The following ZNF827 variants were observed in gnomAD, a reference collection of about 807,000 sequenced individuals.
The protein encoded by ZNF827 is zinc finger protein 827.
Under a neutral mutation model 102.4 loss-of-function variants are expected in ZNF827, and 13 were observed. That is an observed-to-expected ratio of 0.13 (90% CI 0.08 to 0.20). The LOEUF is 0.20. ZNF827 is among the 10% of genes least tolerant of loss of function. The probability of loss-of-function intolerance (pLI) is 1.00; values close to 1 mark genes in which losing one functional copy is unlikely to be tolerated. For missense variants in ZNF827, 1,103 were observed against 1,344.4 expected (o/e 0.82, Z 2.81); for synonymous variants, 523 against 536.2 (o/e 0.98, Z 0.34).
Position 145,775,896 on chromosome 4 carries a change from C to G in ZNF827, c.2586G>C (p.Gln862His). ...GCTTCACGGAATGGACGGTCAAGTG[C>G]TGGTTCAGATTTGCACGGCACTTAG... ...YAAKCRANLN[Q>H]HLTVHSVKLV... The change falls in exon 10 of 15, where the codon CAG becomes CAC. Residue 862 changes from glutamine (Q) to histidine (H), a missense_variant. Around this residue, in one of 5 missense-constraint regions of ZNF827, gnomAD observed 242 missense variants for 361.9 expected, o/e 0.67. Transcript: ENST00000508784. The G allele has an allele frequency of 6.2e-7, 1 of 1,614,174 alleles. No homozygotes were observed. Among genetic ancestry groups the G allele is most frequent in the Non-Finnish European group, 8.5e-7 (1 of 1,180,036 alleles).
chr4:145,915,803 T>A (rs942747298), intron 1 of ZNF827, among the ~76,000 whole-genome samples: 1 of 152,178 alleles, frequency 6.6e-6, no homozygotes, highest in Non-Finnish European at 1.5e-5. Flanking sequence ...CTGAGACAAA[T>A]TTCCCTCCAG....
intron 4 of ZNF827, among the ~76,000 whole-genome samples, chr4:145,876,197 T>C (rs1000296506): frequency 6.6e-5 from 10 of 152,238 alleles, no homozygotes; most frequent in African/African-American, 9.7e-5. Flanking sequence ...AAACATACTT[T>C]AAATTAGTGT....
In ZNF827 at chr4:145,765,567, C is replaced by G. The variant is rs751957056; in HGVS notation, c.3032G>C (p.Ser1011Thr). The G allele has an allele frequency of 3.1e-6, 5 of 1,613,390 alleles. No homozygotes were observed. Among genetic ancestry groups the G allele is most frequent in the Non-Finnish European group, 4.2e-6 (5 of 1,179,684 alleles). Residue 1011 changes from serine (S) to threonine (T), a missense_variant, in exon 12 of 15, where the codon AGT becomes ACT. This residue lies in a region of ZNF827 where 242 missense variants were observed against 361.9 expected (regional missense o/e 0.67). Transcript: ENST00000508784. This position sits in a 1 kb window ranked among gnomAD's most constrained non-coding sequence, Gnocchi z 4.7. ...CTTACCTTTCTCTGGCTTTTCCTCACTGTTCAGTGAGGGCTGGCTCCCAGG... is the reference window on the plus strand; with the variant it reads ...CTTACCTTTCTCTGGCTTTTCCTCAGTGTTCAGTGAGGGCTGGCTCCCAGG... ...VMPGSQPSLN[S>T]EEKPEKGFEC...
At chr4:145,785,398 A>G (rs1375925624) in intron 8 of ZNF827, among the ~76,000 whole-genome samples, 1 of 152,352 alleles carries the variant, frequency 6.6e-6, no homozygotes, top group East Asian at 1.9e-4. Context: ...GGTAGAATTT[A>G]GGAAGGAGTT....
intron 7 of ZNF827, chr4:145,831,697 A>T (rs1744224222): frequency 6.6e-6 from 1 of 152,216 alleles, no homozygotes; most frequent in Admixed American, 6.5e-5. Context: ...CATCATGGAA[A>T]ATCTCCTTAC....
Position 145,885,944 on chromosome 4 carries a change from C to G in ZNF827, c.1481G>C (p.Gly494Ala). ...ACLGQQREGG[G>A]TELVGTMMTS... Reference sequence around the variant, plus strand: ...CATCATGGTCCCCACTAGCTCTGTCCCTCCTCCTTCCCTTTGCTGCCCCAG... The same window carrying G: ...CATCATGGTCCCCACTAGCTCTGTCGCTCCTCCTTCCCTTTGCTGCCCCAG... Residue 494 changes from glycine (G) to alanine (A), a missense_variant, in exon 4 of 15, where the codon GGG becomes GCG. By Grantham distance (60) the Gly-to-Ala change is moderately conservative. This residue lies in a region of ZNF827 where 157 missense variants were observed against 211.7 expected (regional missense o/e 0.74). Coordinates refer to ENST00000508784, the MANE Select transcript of ZNF827 (RefSeq NM_001306215.2). 6.2e-7 allele frequency: 1 copy of G among 1,614,132 alleles called. No individual in the cohort carries two copies. Among genetic ancestry groups the G allele is most frequent in the Non-Finnish European group, 8.5e-7 (1 of 1,179,988 alleles).
intron 3 of ZNF827, 78 bp downstream of exon 3, chr4:145,892,165 A>G: frequency 7.1e-7 from 1 of 1,412,592 alleles, no homozygotes. Flanking sequence ...TCGGCCAAGA[A>G]GCCTCCTGCA....
chr4:145,887,060 G>A (rs558440157), intron 3 of ZNF827, among the ~76,000 whole-genome samples: 1 of 152,378 alleles, frequency 6.6e-6, no homozygotes, highest in South Asian at 2.1e-4. Context: ...ATGCACTTTA[G>A]TGCTGACCTG....
chr4:145,775,162 C>T (rs1044792281), intron 10 of ZNF827, among the ~76,000 whole-genome samples: 4 of 152,156 alleles, frequency 2.6e-5, no homozygotes, highest in Admixed American at 6.5e-5. Flanking sequence ...CTACTCTATC[C>T]GGGACAACTT....
intron 2 of ZNF827, among the ~76,000 whole-genome samples, chr4:145,897,131 T>G (rs1275124299): frequency 2.0e-5 from 3 of 152,200 alleles, no homozygotes; most frequent in Non-Finnish European, 4.4e-5. Flanking sequence ...GTGGCAGAAC[T>G]GAGATTACAG....
At chr4:145,764,722 C>T in intron 13 of ZNF827, 8 of 492,864 alleles carry the variant, frequency 1.6e-5, no homozygotes, top group Non-Finnish European at 2.9e-5. Flanking sequence ...TTCTTGCATG[C>T]TGGGTTGTTT....
chr4:145,938,248 G>A, intron 1 of ZNF827, 117 bp downstream of exon 1: 4 of 1,290,928 alleles, frequency 3.1e-6, no homozygotes, highest in Non-Finnish European at 4.5e-6. Flanking sequence ...GTCTTTGTCA[G>A]TTTCACCTCT....
At chr4:145,769,872 G>T (rs1579103403) in intron 11 of ZNF827, among the ~76,000 whole-genome samples, 1 of 152,128 alleles carries the variant, frequency 6.6e-6, no homozygotes, top group East Asian at 1.9e-4. Flanking sequence ...TTAGGAAATT[G>T]AAACCATAAA....
At chr4:145,807,511 C>T (rs1283165025) in intron 8 of ZNF827, among the ~76,000 whole-genome samples, 2 of 150,780 alleles carry the variant, frequency 1.3e-5, no homozygotes, top group African/African-American at 2.4e-5. Flanking sequence ...CTCGCTCTGT[C>T]GCCCAGGCTG....
chr4:145,930,856 C>T (rs1449099558), intron 1 of ZNF827, among the ~76,000 whole-genome samples: 5 of 151,972 alleles, frequency 3.3e-5, no homozygotes, highest in African/African-American at 1.2e-4. Context: ...TGTGTGTGCG[C>T]GCGCATGTGT....
At chr4:145,907,416 A>T (rs1017923360) in intron 1 of ZNF827, among the ~76,000 whole-genome samples, 6 of 152,222 alleles carry the variant, frequency 3.9e-5, no homozygotes. Flanking sequence ...GCATTTTTTT[A>T]AATCTAGAAG....
chr4:145,799,849 A>G (rs1740717004), intron 8 of ZNF827, among the ~76,000 whole-genome samples: 1 of 152,174 alleles, frequency 6.6e-6, no homozygotes, highest in Non-Finnish European at 1.5e-5. Flanking sequence ...GCCATAGTAG[A>G]CCATAAGATG....
rs1447483721 is a variant in ZNF827, at chr4:145,758,954, AG to A, written c.*2661del. The A allele has an allele frequency of 4.6e-5, 7 of 152,268 alleles. No homozygotes were observed. The highest frequency in any genetic ancestry group is 1.7e-4 in the African/African-American group (7 of 41,458). 9.4% of individuals were successfully genotyped at this position (152,268 alleles called of 1,614,324 possible). A position where few individuals can be genotyped will look rare whatever the true frequency, so the allele number is the denominator to read the frequency against. On this transcript the variant is annotated 3_prime_UTR_variant, in exon 15 of 15. Coordinates refer to ENST00000508784, the MANE Select transcript of ZNF827 (RefSeq NM_001306215.2). ...ACAGTACAGTCTTCTGGCTTCCTGT[AG>A]AACTGTACTAATTTCCAGGGAGCTT...
chr4:145,768,650 A>G (rs192748991), intron 11 of ZNF827, among the ~76,000 whole-genome samples: 43 of 151,344 alleles, frequency 2.8e-4, no homozygotes, highest in South Asian at 2.1e-3. Context: ...AAATCAGTTC[A>G]TTAAGCAATC....
Sources: allele counts gnomAD v4.1 joint callset (sites outside exome capture counted in the v4.1 genomes callset), GRCh38; gene constraint gnomAD v4.1.1; regional missense constraint gnomAD v4.1.1; non-coding constraint Gnocchi (gnomAD v3.1); transcripts MANE v1.5; gene names NCBI Gene and HGNC (gene_info 2026-07-23, HGNC 2026-07-21).